Variants in VPS13D observed in about 807,000 individuals in gnomAD.
VPS13D encodes the protein intermembrane lipid transfer protein VPS13D.
In VPS13D, 187 loss-of-function variants were observed where a neutral mutation model predicts 461.9. That is an observed-to-expected ratio of 0.40 (90% CI 0.36 to 0.46). VPS13D has a LOEUF of 0.46. Among genes scored for constraint, VPS13D ranks in the 20% least tolerant of loss-of-function variants. VPS13D has a pLI of 0.60. For missense variants in VPS13D, 4,711 were observed against 5,364.9 expected (o/e 0.88, Z 3.81); for synonymous variants, 1,951 against 1,986.3 (o/e 0.98, Z 0.47).
chr1:12,254,774 C>G (rs929199702), intron 7 of VPS13D, among the ~76,000 whole-genome samples: 1 of 150,402 alleles, frequency 6.6e-6, no homozygotes, highest in Admixed American at 6.6e-5. Context: ...GTGATCCACC[C>G]GCCTTGGCCT....
At chr1:12,258,403 C>G (rs1569709587) in intron 10 of VPS13D, among the ~76,000 whole-genome samples, 1 of 152,334 alleles carries the variant, frequency 6.6e-6, no homozygotes, top group East Asian at 1.9e-4. Flanking sequence ...AGTCACCCGC[C>G]TCTCTTCAAA....
At position 12,276,727 on chromosome 1, in the gene VPS13D, C is replaced by G. The variant is rs778362697; in HGVS notation, c.3139C>G (p.Pro1047Ala). ...DSRAQSPVSG[P>A]NVAHLTDGAT... ...CAGGGCCCAGTCTCCTGTCTCTGGA[C>G]CGAATGTGGCCCACTTAACTGATGG... The change falls in exon 19 of 70, where the codon CCG (proline) becomes GCG (alanine). Residue 1047 changes from proline to alanine, a missense_variant. Coordinates refer to ENST00000620676, the MANE Select transcript of VPS13D (RefSeq NM_015378.4). The surrounding 1 kb of genome is among the most constrained non-coding windows in gnomAD (Gnocchi z 4.5). The G allele has an allele frequency of 1.9e-6, 3 of 1,614,122 alleles. No individual in the cohort carries two copies. The Admixed American group carries it at 5.0e-5, about 27-fold the overall frequency.
intron 21 of VPS13D, 49 bp from the exon 22 acceptor site, chr1:12,288,174 C>T (rs375699688): frequency 6.7e-7 from 1 of 1,494,930 alleles, no homozygotes; most frequent in East Asian, 2.3e-5. Context: ...CTGAAAGATA[C>T]CTTTTCTCCC....
intron 60 of VPS13D, among the ~76,000 whole-genome samples, chr1:12,398,986 T>C (rs1367328136): frequency 1.3e-5 from 2 of 152,222 alleles, no homozygotes; most frequent in South Asian, 2.1e-4. Flanking sequence ...CTCTGTGATA[T>C]AAGGACAGAG....
At position 12,244,250 on chromosome 1, in the gene VPS13D, C is replaced by T. The variant is rs1397972371; in HGVS notation, c.180C>T (p.Phe60=). The change falls in exon 4 of 70, where the codon TTC becomes TTT. Residue 60 remains phenylalanine (F), a synonymous_variant. Transcript: ENST00000620676. ...AGACTTTCCTTCTCCTTCCAGGCTT[C>T]ATTGGGAAAGTAACCCTTCAGATTC... ...LELPFEVKAG[F]IGKVTLQIPF... The T allele has an allele frequency of 6.2e-7, 1 of 1,609,188 alleles. No individual in the cohort carries two copies. The highest frequency in any genetic ancestry group is 8.5e-7 in the Non-Finnish European group (1 of 1,178,220).
At chr1:12,377,820 C>CAAAA (rs1193875764) in intron 55 of VPS13D, among the ~76,000 whole-genome samples, 4 of 77,036 alleles carry the variant, frequency 5.2e-5, no homozygotes, top group Non-Finnish European at 1.0e-4. Flanking sequence ...AACTCCATCC[C>CAAAA]AAAAAAAAAA....
chr1:12,400,453 A>G, intron 61 of VPS13D, 123 bp downstream of exon 61: 2 of 1,160,614 alleles, frequency 1.7e-6, no homozygotes, highest in Middle Eastern at 5.7e-4. Flanking sequence ...GGGTTAAACC[A>G]CATGTGACAT....
At chr1:12,268,020 G>C in intron 15 of VPS13D, 100 bp downstream of exon 15, 3 of 1,009,920 alleles carry the variant, frequency 3.0e-6, no homozygotes, top group Non-Finnish European at 1.4e-6. Flanking sequence ...GGAGTGCAGT[G>C]GTGTGATCTT....
chr1:12,406,820 G>A (rs1173085507), intron 63 of VPS13D, among the ~76,000 whole-genome samples: 1 of 152,124 alleles, frequency 6.6e-6, no homozygotes, highest in East Asian at 1.9e-4. Flanking sequence ...CCTTTAAACG[G>A]TTTCATGAGG....
intron 52 of VPS13D, among the ~76,000 whole-genome samples, chr1:12,363,648 A>G (rs17037983): frequency 0.028 from 4,304 of 152,228 alleles, 110 homozygotes; most frequent in African/African-American, 0.061. Flanking sequence ...GGTAACACTC[A>G]GTTCTTGTTA....
At chr1:12,483,376 C>T (rs902418814) in intron 67 of VPS13D, among the ~76,000 whole-genome samples, 6 of 152,114 alleles carry the variant, frequency 3.9e-5, no homozygotes, top group African/African-American at 1.2e-4. Context: ...AACATCTTTT[C>T]GTGTTTCAGT....
chr1:12,373,433 T>C (rs1490888380), intron 54 of VPS13D, among the ~76,000 whole-genome samples: 1 of 150,032 alleles, frequency 6.7e-6, no homozygotes, highest in South Asian at 2.1e-4. Context: ...ATTTTTTGCC[T>C]TTTTTTTTGG....
intron 65 of VPS13D, among the ~76,000 whole-genome samples, chr1:12,431,550 T>TA (rs1298244818): frequency 3.3e-5 from 5 of 151,458 alleles, no homozygotes; most frequent in African/African-American, 1.2e-4. Context: ...CCTTGCCTAC[T>TA]GTATATCTTC....
At chr1:12,454,796 C>G (rs1011729280) in intron 65 of VPS13D, among the ~76,000 whole-genome samples, 1 of 152,228 alleles carries the variant, frequency 6.6e-6, no homozygotes, top group Admixed American at 6.5e-5. Context: ...TTCCCCTGAG[C>G]CTTGTATCTA....
At position 12,276,979 on chromosome 1, in the gene VPS13D, C is replaced by T. The variant is rs1641633426; in HGVS notation, c.3391C>T (p.Pro1131Ser). 2 of 1,614,050 alleles carry T rather than the reference C, an allele frequency of 1.2e-6. No homozygotes were observed. Among genetic ancestry groups the T allele is most frequent in the Non-Finnish European group, 8.5e-7 (1 of 1,180,008 alleles). Residue 1131 changes from proline (P) to serine (S), a missense_variant, in exon 19 of 70, where the codon CCC (proline) becomes TCC (serine). Transcript: ENST00000620676. This position sits in a 1 kb window ranked among gnomAD's most constrained non-coding sequence, Gnocchi z 4.5. ...AATTGGTTTTCTTCAAAAATCCTTTCCCAAGGAAAAAGATGATTTAAGTCC... is the reference window on the plus strand; with the variant it reads ...AATTGGTTTTCTTCAAAAATCCTTTTCCAAGGAAAAAGATGATTTAAGTCC... ...ELIGFLQKSFPKEKDDLSPQP... is the reference protein window; with the variant it reads ...ELIGFLQKSFSKEKDDLSPQP...
intron 22 of VPS13D, among the ~76,000 whole-genome samples, chr1:12,289,764 C>A (rs2101416083): frequency 6.6e-6 from 1 of 151,964 alleles, no homozygotes; most frequent in Non-Finnish European, 1.5e-5. Context: ...AGTGAGACCT[C>A]ATCTCTACAA....
intron 68 of VPS13D, among the ~76,000 whole-genome samples, chr1:12,498,503 A>G (rs1024067186): frequency 6.6e-6 from 1 of 151,976 alleles, no homozygotes; most frequent in Non-Finnish European, 1.5e-5. Flanking sequence ...TCAAAAGCCA[A>G]CTCCAGAAGG....
chr1:12,402,254 CTAT>C (rs1053941174), intron 62 of VPS13D, among the ~76,000 whole-genome samples: 2 of 152,146 alleles, frequency 1.3e-5, no homozygotes, highest in African/African-American at 2.4e-5. Context: ...GTAAGATAAG[CTAT>C]TGAAAAGCCC....
chr1:12,401,040 T>A (rs891047606), intron 61 of VPS13D, among the ~76,000 whole-genome samples: 2 of 151,668 alleles, frequency 1.3e-5, no homozygotes, highest in Non-Finnish European at 2.9e-5. Context: ...CTATGATGGG[T>A]CTGACCTTGA....
Sources: allele counts gnomAD v4.1 joint callset (sites outside exome capture counted in the v4.1 genomes callset), GRCh38; gene constraint gnomAD v4.1.1; non-coding constraint Gnocchi (gnomAD v3.1); transcripts MANE v1.5; gene names NCBI Gene and HGNC (gene_info 2026-07-23, HGNC 2026-07-21).